Variants in NR6A1 observed in about 807,000 individuals in gnomAD.
NR6A1 encodes the protein nuclear receptor subfamily 6 group A member 1.
A neutral mutation model predicts 59.1 loss-of-function variants in NR6A1; 7 were observed. The observed-to-expected ratio is 0.12, with a 90% CI of 0.07 to 0.22. The LOEUF is 0.22. Among genes scored for constraint, NR6A1 ranks in the 10% least tolerant of loss-of-function variants. NR6A1 has a pLI of 1.00. For missense variants in NR6A1, 468 were observed against 611.6 expected, an observed-to-expected ratio of 0.77 and a Z score of 2.48; for synonymous variants, 243 against 236.1, an observed-to-expected ratio of 1.03 and a Z score of -0.27.
chr9:124,563,498 A>G (rs976783740), intron 2 of NR6A1, among the ~76,000 whole-genome samples: 6 of 152,174 alleles, frequency 3.9e-5, no homozygotes, highest in Non-Finnish European at 8.8e-5. Context: ...ACTGTAAAAT[A>G]CAAATAATAT....
chr9:124,768,938 G>C (rs769098333), intron 1 of NR6A1, among the ~76,000 whole-genome samples: 31 of 152,212 alleles, frequency 2.0e-4, no homozygotes, highest in Non-Finnish European at 3.7e-4. Context: ...AAATATACAC[G>C]CTAATATGGG....
chr9:124,698,008 G>A (rs1838822603), intron 2 of NR6A1, among the ~76,000 whole-genome samples: 1 of 152,154 alleles, frequency 6.6e-6, no homozygotes, highest in African/African-American at 2.4e-5. Context: ...TGTTTTGTAA[G>A]CGCTGCCAAG....
chr9:124,728,839 T>C (rs1346660622), intron 2 of NR6A1, among the ~76,000 whole-genome samples: 7 of 152,150 alleles, frequency 4.6e-5, no homozygotes, highest in African/African-American at 9.7e-5. Flanking sequence ...TTAGTGGTTG[T>C]TGACTGTAGT....
chr9:124,707,415 A>C (rs1238957121), intron 2 of NR6A1, among the ~76,000 whole-genome samples: 1 of 152,054 alleles, frequency 6.6e-6, no homozygotes, highest in Non-Finnish European at 1.5e-5. Flanking sequence ...AATTCTTTAA[A>C]AGTTGTCCCT....
chr9:124,720,217 A>C (rs1588827026), intron 2 of NR6A1, among the ~76,000 whole-genome samples: 1 of 151,904 alleles, frequency 6.6e-6, no homozygotes, highest in African/African-American at 2.4e-5. Flanking sequence ...ACGTCCAGGT[A>C]ATTTTGTATT....
intron 2 of NR6A1, among the ~76,000 whole-genome samples, chr9:124,658,020 A>G (rs1165006049): frequency 1.3e-5 from 2 of 152,202 alleles, no homozygotes; most frequent in Non-Finnish European, 2.9e-5. Flanking sequence ...GGATCACAAT[A>G]AATTTTCAAA....
At chr9:124,727,609 G>A (rs1839757683) in intron 2 of NR6A1, among the ~76,000 whole-genome samples, 1 of 152,168 alleles carries the variant, frequency 6.6e-6, no homozygotes, top group Non-Finnish European at 1.5e-5. Flanking sequence ...AAATTCAGCA[G>A]GCCAGCAAGC....
chr9:124,722,145 C>A (rs1361722085), intron 2 of NR6A1, among the ~76,000 whole-genome samples: 2 of 152,112 alleles, frequency 1.3e-5, no homozygotes, highest in Non-Finnish European at 2.9e-5. Flanking sequence ...CAGCTTGGCA[C>A]CCAAAGTAGG....
intron 7 of NR6A1, among the ~76,000 whole-genome samples, chr9:124,528,699 C>T (rs1390826069): frequency 6.8e-6 from 1 of 147,886 alleles, no homozygotes; most frequent in African/African-American, 2.5e-5. Flanking sequence ...GACCCTGTCT[C>T]AGAAAAAAAA....
intron 2 of NR6A1, among the ~76,000 whole-genome samples, chr9:124,586,272 G>C (rs1476354743): frequency 6.6e-6 from 1 of 152,134 alleles, no homozygotes; most frequent in African/African-American, 2.4e-5. Flanking sequence ...GACCTCATAG[G>C]AGGTCAAAAT....
chr9:124,768,387 T>A (rs1246043675), intron 1 of NR6A1, among the ~76,000 whole-genome samples: 1 of 152,240 alleles, frequency 6.6e-6, no homozygotes, highest in Non-Finnish European at 1.5e-5. Flanking sequence ...GTGCCCATTG[T>A]TCCATAGGCA....
At chr9:124,735,293 A>G (rs1471671577) in intron 1 of NR6A1, among the ~76,000 whole-genome samples, 1 of 152,208 alleles carries the variant, frequency 6.6e-6, no homozygotes, top group East Asian at 1.9e-4. Flanking sequence ...ACAATGAAAT[A>G]TGGAAAACAA....
At chr9:124,681,701 CT>C (rs1443127565) in intron 2 of NR6A1, among the ~76,000 whole-genome samples, 1 of 152,088 alleles carries the variant, frequency 6.6e-6, no homozygotes, top group Non-Finnish European at 1.5e-5. Context: ...TCACTGTGAG[CT>C]TCACAGGTTC....
intron 2 of NR6A1, among the ~76,000 whole-genome samples, chr9:124,709,864 T>C (rs1290832077): frequency 1.3e-5 from 2 of 150,892 alleles, no homozygotes; most frequent in African/African-American, 2.4e-5. Flanking sequence ...GAACCTTGCC[T>C]GAACCCAGGA....
intron 8 of NR6A1, among the ~76,000 whole-genome samples, chr9:124,525,800 T>C (rs1832918769): frequency 6.6e-6 from 1 of 152,100 alleles, no homozygotes; most frequent in Non-Finnish European, 1.5e-5. Flanking sequence ...CAGCTCAGAT[T>C]TCTCCTTCTT....
intron 3 of NR6A1, among the ~76,000 whole-genome samples, chr9:124,545,270 G>A (rs1295325035): frequency 6.6e-6 from 1 of 152,206 alleles, no homozygotes; most frequent in Non-Finnish European, 1.5e-5. Flanking sequence ...AAATGGTATG[G>A]ATAAAACACC....
intron 2 of NR6A1, among the ~76,000 whole-genome samples, chr9:124,561,947 A>G (rs897306258): frequency 6.6e-6 from 1 of 152,196 alleles, no homozygotes; most frequent in Non-Finnish European, 1.5e-5. Context: ...AAAAAACTTA[A>G]AAAAATGTTA....
chr9:124,741,243 G>A (rs1206094131), intron 1 of NR6A1, among the ~76,000 whole-genome samples: 4 of 152,154 alleles, frequency 2.6e-5, no homozygotes, highest in African/African-American at 9.7e-5. Flanking sequence ...CATAGTTGTC[G>A]TCCCTCTTTG....
intron 2 of NR6A1, among the ~76,000 whole-genome samples, chr9:124,648,169 G>A (rs544102046): frequency 1.2e-3 from 179 of 152,166 alleles, no homozygotes; most frequent in Non-Finnish European, 2.1e-3. Context: ...TCCATAAACA[G>A]GATATGTTAC....
Sources: gnomAD v4.1 joint callset for allele counts (sites outside exome capture counted in the v4.1 genomes callset) on GRCh38, gnomAD v4.1.1 for gene constraint, MANE v1.5 for transcripts, NCBI Gene and HGNC (gene_info 2026-07-23, HGNC 2026-07-21) for gene names.